The following PDZRN4 variants were observed in gnomAD, a reference collection of about 807,000 sequenced individuals.
PDZRN4 encodes the protein PDZ domain containing ring finger 4.
In PDZRN4, 70 loss-of-function variants were observed where a neutral mutation model predicts 99.0. That is an observed-to-expected ratio of 0.71 (90% CI 0.58 to 0.86). The LOEUF (loss-of-function observed/expected upper bound fraction) is 0.86. Ranked by LOEUF, PDZRN4 falls within the 40% of genes least tolerant of loss-of-function variation. PDZRN4 has a pLI of 0.00. For missense variants in PDZRN4, 1,474 were observed against 1,331.2 expected (o/e 1.11, Z -1.67); for synonymous variants, 551 against 501.6 (o/e 1.10, Z -1.32).
chr12:41,528,901 T>C (rs532082564), intron 5 of PDZRN4, among the ~76,000 whole-genome samples: 22 of 152,302 alleles, frequency 1.4e-4, no homozygotes, highest in African/African-American at 5.3e-4. Flanking sequence ...AAATTTTTAT[T>C]GCAGTTTTTT....
intron 3 of PDZRN4, among the ~76,000 whole-genome samples, chr12:41,290,336 T>A (rs140140689): frequency 8.7e-4 from 132 of 152,338 alleles, no homozygotes; most frequent in African/African-American, 3.1e-3. Flanking sequence ...ATTCAAAACA[T>A]CTTTTGTTTG....
At chr12:41,461,441 A>C (rs549191428) in intron 3 of PDZRN4, among the ~76,000 whole-genome samples, 1 of 152,228 alleles carries the variant, frequency 6.6e-6, no homozygotes, top group African/African-American at 2.4e-5. Context: ...TCATCATTAC[A>C]TGTGGTATTT....
intron 3 of PDZRN4, among the ~76,000 whole-genome samples, chr12:41,244,599 C>T (rs976513188): frequency 2.0e-5 from 3 of 152,012 alleles, no homozygotes; most frequent in Non-Finnish European, 4.4e-5. Flanking sequence ...GTCCAGCAGA[C>T]TCCCGCCTCA....
intron 3 of PDZRN4, among the ~76,000 whole-genome samples, chr12:41,325,994 C>CT (rs771193187): frequency 1.1e-4 from 16 of 150,546 alleles, no homozygotes; most frequent in East Asian, 3.9e-4. Flanking sequence ...CTTTTTTTTT[C>CT]TTGTTTTTGA....
intron 3 of PDZRN4, among the ~76,000 whole-genome samples, chr12:41,221,165 G>A (rs1950953044): frequency 6.6e-6 from 1 of 152,184 alleles, no homozygotes. Context: ...GGGCTACCCA[G>A]GAGAGCTCTT....
chr12:41,439,521 AG>A (rs2120463565), intron 3 of PDZRN4, among the ~76,000 whole-genome samples: 1 of 152,278 alleles, frequency 6.6e-6, no homozygotes, highest in East Asian at 1.9e-4. Flanking sequence ...GATTATGCCT[AG>A]GTTAAGCTGT....
At chr12:41,189,135 G>A in intron 1 of PDZRN4, 32 bp downstream of exon 1, 1 of 1,559,066 alleles carries the variant, frequency 6.4e-7, no homozygotes, top group East Asian at 2.3e-5. Context: ...CCGCGGGCAT[G>A]GTCGATTGGG....
intron 5 of PDZRN4, among the ~76,000 whole-genome samples, chr12:41,522,187 C>T (rs940314289): frequency 1.7e-4 from 26 of 152,112 alleles, no homozygotes; most frequent in African/African-American, 6.3e-4. Context: ...AAACTGATTC[C>T]CTGTGTGGAG....
intron 3 of PDZRN4, among the ~76,000 whole-genome samples, chr12:41,240,138 GTAA>G (rs1230232216): frequency 1.2e-5 from 1 of 81,894 alleles, no homozygotes; most frequent in Non-Finnish European, 2.5e-5. Context: ...ATTTGTCCTT[GTAA>G]TATTACTATT....
chr12:41,493,900 A>G (rs930948159), intron 3 of PDZRN4, among the ~76,000 whole-genome samples: 4 of 89,410 alleles, frequency 4.5e-5, no homozygotes, highest in Admixed American at 4.1e-4. Flanking sequence ...TAAAAAAATA[A>G]TGGGGGGGGG....
chr12:41,298,720 C>A (rs1565545202), intron 3 of PDZRN4, among the ~76,000 whole-genome samples: 1 of 151,826 alleles, frequency 6.6e-6, no homozygotes, highest in African/African-American at 2.4e-5. Flanking sequence ...ATTAAATGAG[C>A]CAAACAGGTG....
chr12:41,393,067 T>A (rs1952220944), intron 3 of PDZRN4, among the ~76,000 whole-genome samples: 1 of 152,216 alleles, frequency 6.6e-6, no homozygotes, highest in Non-Finnish European at 1.5e-5. Flanking sequence ...GCCTATGGAA[T>A]GAAAAGATTT....
chr12:41,206,528 CTTAA>C (rs1046348169), intron 3 of PDZRN4, among the ~76,000 whole-genome samples: 93 of 150,676 alleles, frequency 6.2e-4, no homozygotes, highest in African/African-American at 2.1e-3. Context: ...ATTAATTAAG[CTTAA>C]TTAATTAATA....
At chr12:41,458,176 A>G (rs930794528) in intron 3 of PDZRN4, among the ~76,000 whole-genome samples, 1 of 152,072 alleles carries the variant, frequency 6.6e-6, no homozygotes, top group Non-Finnish European at 1.5e-5. Context: ...TGTGTATGTG[A>G]GATGGAGTTT....
intron 3 of PDZRN4, among the ~76,000 whole-genome samples, chr12:41,260,796 T>C (rs1951233037): frequency 6.6e-6 from 1 of 152,306 alleles, no homozygotes; most frequent in Non-Finnish European, 1.5e-5. Flanking sequence ...GGATTTTCTA[T>C]AGTCTGCACT....
chr12:41,448,033 C>T (rs911096825), intron 3 of PDZRN4, among the ~76,000 whole-genome samples: 41 of 152,248 alleles, frequency 2.7e-4, no homozygotes, highest in Middle Eastern at 6.8e-3. Flanking sequence ...ATCCTCACAA[C>T]TACTTCTTTC....
intron 3 of PDZRN4, among the ~76,000 whole-genome samples, chr12:41,225,637 T>A (rs1950988476): frequency 1.3e-5 from 2 of 152,108 alleles, no homozygotes; most frequent in South Asian, 4.1e-4. Flanking sequence ...TCTTTCTGTA[T>A]CAAAATGGAT....
intron 3 of PDZRN4, among the ~76,000 whole-genome samples, chr12:41,299,024 A>G (rs540508823): frequency 6.6e-6 from 1 of 151,878 alleles, no homozygotes; most frequent in South Asian, 2.1e-4. Context: ...TTCTGATGTC[A>G]TCCACAGAGT....
chr12:41,332,786 TAGA>T (rs1321637134), intron 3 of PDZRN4, among the ~76,000 whole-genome samples: 1 of 142,586 alleles, frequency 7.0e-6, no homozygotes, highest in East Asian at 2.0e-4. Context: ...TGACAATAAG[TAGA>T]AGGAGGGGGC....
Sources: gnomAD v4.1 joint callset for allele counts (sites outside exome capture counted in the v4.1 genomes callset) on GRCh38, gnomAD v4.1.1 for gene constraint, MANE v1.5 for transcripts, NCBI Gene and HGNC (gene_info 2026-07-23, HGNC 2026-07-21) for gene names.